The following CGRRF1 variants were observed in gnomAD, a reference collection of about 807,000 sequenced individuals.
CGRRF1 encodes cell growth regulator with RING finger domain protein 1.
CGRRF1 carries 32 observed loss-of-function variants against 37.2 expected under a neutral mutation model. The ratio of observed to expected loss-of-function variants is 0.86; its 90% CI spans 0.65 to 1.16. The LOEUF (loss-of-function observed/expected upper bound fraction) is 1.16, where lower values mean the gene tolerates loss of function less well. Ranked by LOEUF, CGRRF1 falls within the 50% of genes most tolerant of loss-of-function variation. The pLI, the probability that CGRRF1 is intolerant of heterozygous loss-of-function variation, is 0.00. For synonymous variants in CGRRF1, 141 were observed against 140.3 expected, an observed-to-expected ratio of 1.00 and a Z score of -0.04; for missense variants, 391 against 382.6, an observed-to-expected ratio of 1.02 and a Z score of -0.18.
Position 54,538,597 on chromosome 14 carries a change from CA to C in CGRRF1, c.*215del. ...CCATCTGTGTTGATACATAAAAATT[CA>C]TTCAACTCTTGAAAAGAATCTAAGA... is the stretch of plus-strand genomic sequence containing the variant. On this transcript the variant is annotated 3_prime_UTR_variant, in exon 6 of 6. Transcript: ENST00000216420. The C allele has an allele frequency of 2.7e-6, 1 of 367,318 alleles. No homozygotes were observed. Among genetic ancestry groups the C allele is most frequent in the Non-Finnish European group, 4.9e-6 (1 of 205,642 alleles). The allele number at this position is 367,318 out of a possible 1,614,324, so 22.8% of individuals were successfully genotyped here.
chr14:54,512,321 T>C (rs1008862151), intron 1 of CGRRF1, among the ~76,000 whole-genome samples: 8 of 152,212 alleles, frequency 5.3e-5, no homozygotes, highest in Non-Finnish European at 1.0e-4. Flanking sequence ...CCAATAGCAA[T>C]AGCAAAGAAG....
chr14:54,524,821 T>C (rs1161288123), intron 2 of CGRRF1, among the ~76,000 whole-genome samples: 1 of 152,206 alleles, frequency 6.6e-6, no homozygotes. Flanking sequence ...CAGTTCATTC[T>C]GATATTTTTT....
intron 1 of CGRRF1, among the ~76,000 whole-genome samples, chr14:54,520,463 C>G (rs1006471788): frequency 1.3e-5 from 2 of 152,158 alleles, no homozygotes; most frequent in East Asian, 3.8e-4. Flanking sequence ...GTACCATTTA[C>G]CAAGTGTTAT....
At position 54,532,701 on chromosome 14, in the gene CGRRF1, T is replaced by TA. The variant is rs200522235; in HGVS notation, c.570+1668dup. ...AGGGGTTCAATAAAGATTTGATAAG[T>TA]AAAAAAAAAAAAAAAAAGTCATACT... On this transcript the variant is annotated intron_variant, in intron 4 of 5. Coordinates refer to ENST00000216420, the MANE Select transcript of CGRRF1 (RefSeq NM_006568.3). 7.8e-3 allele frequency among the ~76,000 whole-genome samples: 937 copies of TA among 120,896 alleles called. 4 individuals carry two copies. The highest frequency in any genetic ancestry group is 8.4e-3 in the African/African-American group (282 of 33,542). The allele number at this position is 120,896 out of a possible 152,430, so 79.3% of individuals were successfully genotyped here.
chr14:54,529,587 A>T (rs558292848), intron 2 of CGRRF1, among the ~76,000 whole-genome samples: 1 of 152,286 alleles, frequency 6.6e-6, no homozygotes, highest in Admixed American at 6.5e-5. Context: ...TTTCTTTTTA[A>T]TATTTTTCTT....
chr14:54,532,779 C>T (rs1291341098), intron 4 of CGRRF1, among the ~76,000 whole-genome samples: 3 of 151,644 alleles, frequency 2.0e-5, no homozygotes, highest in Non-Finnish European at 2.9e-5. Flanking sequence ...CTTAGCTGTA[C>T]ATCCCATGCA....
rs142994576 is a variant in CGRRF1, at chr14:54,538,780, A to G, written c.*397A>G. ...TGCAATTAAGAAAAAACTTAATTCT[A>G]CTTAAAGTAATTGTGTGTTCCCTAG... is the stretch of plus-strand genomic sequence containing the variant. On this transcript the variant is annotated 3_prime_UTR_variant, in exon 6 of 6. Coordinates refer to ENST00000216420, the MANE Select transcript of CGRRF1 (RefSeq NM_006568.3). The G allele has an allele frequency of 7.8e-3, 1,247 of 160,050 alleles. 24 individuals carry two copies. Among genetic ancestry groups the G allele is most frequent in the African/African-American group, 0.029 (1,199 of 41,612 alleles). 9.9% of individuals were successfully genotyped at this position (160,050 alleles called of 1,614,324 possible).
chr14:54,516,826 T>G (rs1186559872), intron 1 of CGRRF1, among the ~76,000 whole-genome samples: 2 of 152,218 alleles, frequency 1.3e-5, no homozygotes, highest in African/African-American at 4.8e-5. Context: ...TTACTGATGC[T>G]TTTTGTTGTT....
intron 4 of CGRRF1, among the ~76,000 whole-genome samples, chr14:54,531,455 AT>A (rs1197642494): frequency 6.6e-6 from 1 of 152,106 alleles, no homozygotes; most frequent in East Asian, 1.9e-4. Flanking sequence ...AATTAAGTTA[AT>A]TTCATCATTC....
intron 4 of CGRRF1, among the ~76,000 whole-genome samples, chr14:54,535,060 A>G (rs925844818): frequency 1.7e-4 from 26 of 152,142 alleles, no homozygotes. Context: ...GATCGTATAT[A>G]TATTTTAAAT....
intron 1 of CGRRF1, among the ~76,000 whole-genome samples, chr14:54,512,882 C>G (rs1421031286): frequency 6.6e-6 from 1 of 152,196 alleles, no homozygotes; most frequent in Non-Finnish European, 1.5e-5. Context: ...AGTAAATTCT[C>G]TTTATTCTCT....
chr14:54,525,993 A>G (rs1044063832), intron 2 of CGRRF1, among the ~76,000 whole-genome samples: 2 of 151,944 alleles, frequency 1.3e-5, no homozygotes, highest in Admixed American at 1.3e-4. Flanking sequence ...GCTACTCAGG[A>G]GGCTTAGGCT....
chr14:54,533,794 T>G (rs1172128071), intron 4 of CGRRF1, among the ~76,000 whole-genome samples: 1 of 152,062 alleles, frequency 6.6e-6, no homozygotes, highest in Non-Finnish European at 1.5e-5. Context: ...TTAATTACAT[T>G]GGCTTTTTTT....
chr14:54,535,235 CTTCTCCAGT>C (rs965764493), intron 4 of CGRRF1, among the ~76,000 whole-genome samples: 3 of 152,042 alleles, frequency 2.0e-5, no homozygotes, highest in Non-Finnish European at 4.4e-5. Flanking sequence ...AACCAATTTT[CTTCTCCAGT>C]TCAGGTTCTA....
chr14:54,514,539 A>C (rs1170404775), intron 1 of CGRRF1, among the ~76,000 whole-genome samples: 1 of 152,210 alleles, frequency 6.6e-6, no homozygotes, highest in Non-Finnish European at 1.5e-5. Flanking sequence ...TTATTTCATC[A>C]CCCAGGTATT....
At chr14:54,513,259 A>G (rs1423097245) in intron 1 of CGRRF1, among the ~76,000 whole-genome samples, 1 of 152,238 alleles carries the variant, frequency 6.6e-6, no homozygotes, top group African/African-American at 2.4e-5. Flanking sequence ...ATGTAGTGGC[A>G]TCACAATCAA....
At position 54,530,100 on chromosome 14, in the gene CGRRF1, A is replaced by G. The variant is rs766823575; in HGVS notation, c.296A>G (p.Tyr99Cys). The change falls in exon 3 of 6, where the codon TAC (tyrosine) becomes TGC (cysteine). Residue 99 changes from tyrosine to cysteine, a missense_variant. Transcript: ENST00000216420. ...DCLEDSLLTC[Y>C]WGCSVQKLYE... Reference sequence around the variant, plus strand: ...CTTGAAGATAGCCTCCTTACATGCTACTGGGGGTGCAGTGTTCAAAAATTA... The same window carrying G: ...CTTGAAGATAGCCTCCTTACATGCTGCTGGGGGTGCAGTGTTCAAAAATTA... The G allele has an allele frequency of 6.2e-7, 1 of 1,613,574 alleles. No individual in the cohort carries two copies. The highest frequency in any genetic ancestry group is 1.1e-5 in the South Asian group (1 of 91,046).
intron 1 of CGRRF1, among the ~76,000 whole-genome samples, chr14:54,520,471 T>A (rs2032297401): frequency 6.6e-6 from 1 of 152,198 alleles, no homozygotes; most frequent in Non-Finnish European, 1.5e-5. Flanking sequence ...TACCAAGTGT[T>A]ATCAAACACA....
At position 54,509,947 on chromosome 14, in the gene CGRRF1, G is replaced by A. The variant is rs370019996; in HGVS notation, c.-13G>A. The A allele has an allele frequency of 1.9e-5, 31 of 1,601,972 alleles. No homozygotes were observed. The highest frequency in any genetic ancestry group is 1.7e-4 in the Middle Eastern group (1 of 6,056). ...CGCGGCTGGAGCCGGGCTCTACCCAGAGCAAGACCCTGATGGCTGCGGTGT... is the reference window on the plus strand; with the variant it reads ...CGCGGCTGGAGCCGGGCTCTACCCAAAGCAAGACCCTGATGGCTGCGGTGT... On this transcript the variant is annotated 5_prime_UTR_variant, in exon 1 of 6. Coordinates refer to ENST00000216420, the MANE Select transcript of CGRRF1 (RefSeq NM_006568.3).
Sources: gnomAD v4.1 joint callset for allele counts (sites outside exome capture counted in the v4.1 genomes callset) on GRCh38, gnomAD v4.1.1 for gene constraint, MANE v1.5 for transcripts, NCBI Gene and HGNC (gene_info 2026-07-23, HGNC 2026-07-21) for gene names.